The following SHROOM3 variants were observed in gnomAD, a reference collection of about 807,000 sequenced individuals.
The protein encoded by SHROOM3 is protein Shroom3.
In SHROOM3, 47 loss-of-function variants were observed where a neutral mutation model predicts 138.6. The ratio of observed to expected loss-of-function variants is 0.34; its 90% confidence interval spans 0.27 to 0.43. The LOEUF is 0.43. SHROOM3 is among the 20% of genes least tolerant of loss of function. The probability of loss-of-function intolerance (pLI) is 1.00; values close to 1 mark genes in which losing one functional copy is unlikely to be tolerated. For synonymous variants in SHROOM3, 1,062 were observed against 1,063.3 expected (o/e 1.00, Z 0.02); for missense variants, 2,491 against 2,596.5 (o/e 0.96, Z 0.88).
intron 1 of SHROOM3, among the ~76,000 whole-genome samples, chr4:76,553,363 C>A (rs773193489): frequency 2.0e-5 from 3 of 152,162 alleles, no homozygotes; most frequent in Non-Finnish European, 4.4e-5. Flanking sequence ...GCAACCTCCA[C>A]CTCCCAGGTT....
rs1455238621 is a variant in SHROOM3 at position 76,759,611 on chromosome 4, C to G, written c.5265C>G (p.Pro1755=). The G allele has an allele frequency of 1.2e-6, 2 of 1,614,122 alleles. No homozygotes were observed. The highest frequency in any genetic ancestry group is 1.7e-6 in the Non-Finnish European group (2 of 1,180,018). The change falls in exon 9 of 11, where the codon CCC becomes CCG. Residue 1755 remains proline, a synonymous_variant. Transcript: ENST00000296043. ...NCPAYYSVSA[P]KAELLNKIKE... The stretch of plus-strand genomic sequence containing the variant: ...CTGCCTACTACAGTGTGTCTGCTCC[C>G]AAGGCTGAGCTACTGAACAAAATCA...
At chr4:76,564,552 A>G (rs1419739347) in intron 2 of SHROOM3, among the ~76,000 whole-genome samples, 3 of 152,244 alleles carry the variant, frequency 2.0e-5, no homozygotes, top group African/African-American at 7.2e-5. Flanking sequence ...TGGAAAATTC[A>G]TGTAACACAT....
chr4:76,767,852 A>G (rs915119695), intron 9 of SHROOM3, among the ~76,000 whole-genome samples: 1 of 152,162 alleles, frequency 6.6e-6, no homozygotes, highest in Non-Finnish European at 1.5e-5. Context: ...AAACAGGCTG[A>G]AAAAAACCAC....
chr4:76,724,353 G>C (rs1041035843), intron 3 of SHROOM3, among the ~76,000 whole-genome samples: 1 of 151,960 alleles, frequency 6.6e-6, no homozygotes, highest in Admixed American at 6.6e-5. Context: ...TGTAAAATTA[G>C]TATGCCATGC....
At chr4:76,666,884 A>C (rs921032741) in intron 2 of SHROOM3, among the ~76,000 whole-genome samples, 1 of 152,242 alleles carries the variant, frequency 6.6e-6, no homozygotes, top group South Asian at 2.1e-4. Flanking sequence ...ATGGCCTATC[A>C]TTCTGCCTTA....
At chr4:76,748,814 C>CTTTTTTTTTT (rs34047499) in intron 5 of SHROOM3, among the ~76,000 whole-genome samples, 1 of 100,574 alleles carries the variant, frequency 9.9e-6, no homozygotes. Context: ...TCTGACTCTG[C>CTTTTTTTTTT]TTTTTTTTTT....
chr4:76,770,579 T>G (rs375587254), intron 9 of SHROOM3, 47 bp from the exon 10 acceptor site: 7 of 1,609,210 alleles, frequency 4.3e-6, no homozygotes, highest in Non-Finnish European at 5.9e-6. Context: ...CTGCTTCCAC[T>G]GGCACCTCCT....
At chr4:76,476,785 T>G (rs558773022) in intron 1 of SHROOM3, among the ~76,000 whole-genome samples, 1 of 152,294 alleles carries the variant, frequency 6.6e-6, no homozygotes, top group East Asian at 1.9e-4. Context: ...CCTGATGCAT[T>G]AAGATAATGC....
rs1444609396 is a variant in SHROOM3 at position 76,706,272 on chromosome 4, G to A, written c.324-3884G>A. Among the ~76,000 whole-genome samples the A allele has an allele frequency of 5.3e-5, 8 of 151,872 alleles. No individual in the cohort carries two copies. The East Asian group carries it at 7.8e-4, about 15-fold the overall frequency. On this transcript the variant is annotated intron_variant, in intron 2 of 10. Transcript: ENST00000296043. ...TGGGATTACAGGCATGTACCACCACGCCCAGCTAATTTTTGTATTTTTAGT... is the reference window on the plus strand; with the variant it reads ...TGGGATTACAGGCATGTACCACCACACCCAGCTAATTTTTGTATTTTTAGT...
At chr4:76,555,472 TG>T in intron 1 of SHROOM3, 136 bp from the exon 2 acceptor site, 1 of 1,287,986 alleles carries the variant, frequency 7.8e-7, no homozygotes, top group Non-Finnish European at 1.1e-6. Context: ...GTTTTCCCTC[TG>T]GCTGCAAGCG....
At chr4:76,500,730 C>T (rs548175534) in intron 1 of SHROOM3, among the ~76,000 whole-genome samples, 17 of 151,966 alleles carry the variant, frequency 1.1e-4, no homozygotes, top group Non-Finnish European at 2.2e-4. Flanking sequence ...CCTTTTCGTG[C>T]GTTCATTGGC....
intron 2 of SHROOM3, among the ~76,000 whole-genome samples, chr4:76,574,597 T>C (rs1488531903): frequency 6.6e-6 from 1 of 152,212 alleles, no homozygotes; most frequent in East Asian, 1.9e-4. Context: ...ATTAGCTACA[T>C]AAACTCAAAT....
intron 1 of SHROOM3, among the ~76,000 whole-genome samples, chr4:76,482,107 C>A (rs766816097): frequency 1.3e-4 from 20 of 152,214 alleles, no homozygotes; most frequent in Non-Finnish European, 1.5e-4. Flanking sequence ...GACAAGGATA[C>A]CCACTCTCAC....
intron 1 of SHROOM3, among the ~76,000 whole-genome samples, chr4:76,444,027 G>A (rs905816077): frequency 1.3e-5 from 2 of 151,948 alleles, no homozygotes; most frequent in Non-Finnish European, 2.9e-5. Flanking sequence ...TCCCTGGGGT[G>A]AGCTTCTTAC....
chr4:76,653,665 G>T (rs760075348), intron 2 of SHROOM3, among the ~76,000 whole-genome samples: 1 of 151,954 alleles, frequency 6.6e-6, no homozygotes, highest in Non-Finnish European at 1.5e-5. Flanking sequence ...TCCTGGGCTC[G>T]AAGGATCCTC....
At chr4:76,493,961 A>G (rs900322023) in intron 1 of SHROOM3, among the ~76,000 whole-genome samples, 4 of 152,216 alleles carry the variant, frequency 2.6e-5, no homozygotes, top group African/African-American at 9.6e-5. Context: ...CTTGGGCAAC[A>G]AGAGTGAAAC....
chr4:76,632,399 G>A (rs887297835), intron 2 of SHROOM3, among the ~76,000 whole-genome samples: 1 of 152,192 alleles, frequency 6.6e-6, no homozygotes, highest in African/African-American at 2.4e-5. Context: ...GTGAGTTGGG[G>A]ACAAGGAGAG....
intron 2 of SHROOM3, among the ~76,000 whole-genome samples, chr4:76,635,807 G>A (rs542200285): frequency 1.5e-4 from 23 of 152,150 alleles, no homozygotes; most frequent in South Asian, 4.2e-4. Flanking sequence ...AGGTCCTCTG[G>A]ATCATCAGGG....
intron 2 of SHROOM3, among the ~76,000 whole-genome samples, chr4:76,657,958 T>C (rs983137698): frequency 9.2e-5 from 14 of 152,178 alleles, no homozygotes; most frequent in African/African-American, 3.4e-4. Flanking sequence ...AGCACGTTCA[T>C]TGGGCTGTTG....
Sources: gnomAD v4.1 joint callset for allele counts (sites outside exome capture counted in the v4.1 genomes callset) on GRCh38, gnomAD v4.1.1 for gene constraint, MANE v1.5 for transcripts, NCBI Gene and HGNC (gene_info 2026-07-23, HGNC 2026-07-21) for gene names.